HECTD4: variants seen among roughly 807,000 people sequenced by gnomAD.
The protein encoded by HECTD4 is probable E3 ubiquitin-protein ligase HECTD4.
In HECTD4, 114 loss-of-function variants were observed where a neutral mutation model predicts 471.5. The observed-to-expected ratio is 0.24, with a 90% CI of 0.21 to 0.28. The LOEUF (loss-of-function observed/expected upper bound fraction) is 0.28, where lower values mean the gene tolerates loss of function less well. Among genes scored for constraint, HECTD4 ranks in the 10% least tolerant of loss-of-function variants. The probability of loss-of-function intolerance (pLI) is 1.00; values close to 1 mark genes in which losing one functional copy is unlikely to be tolerated. For missense variants in HECTD4, 3,866 were observed against 5,651.5 expected, an observed-to-expected ratio of 0.68 and a Z score of 10.13; for synonymous variants, 2,012 against 2,256.0, an observed-to-expected ratio of 0.89 and a Z score of 3.07.
chr12:112,292,135 T>C (rs938140638), intron 7 of HECTD4, among the ~76,000 whole-genome samples: 6 of 152,186 alleles, frequency 3.9e-5, no homozygotes, highest in Admixed American at 3.9e-4. Context: ...CCTGGCTACG[T>C]CTCCAACTTC....
intron 48 of HECTD4, among the ~76,000 whole-genome samples, chr12:112,215,190 C>T (rs147945123): frequency 4.6e-5 from 7 of 152,076 alleles, no homozygotes; most frequent in African/African-American, 1.4e-4. Context: ...ACAAAAAAAC[C>T]GCACTGTGCT....
In HECTD4 at chr12:112,184,548, G is replaced by C. The variant is rs199505291; in HGVS notation, c.10418C>G (p.Thr3473Arg). ...CATGGCGGGGGTCAGGCTGCTGGAC[G>C]TGCTGACCTCCATGCTGTCTGTGCC... ...FPGTDSMEVS[T>R]SSSLTPAMSI... is the part of the protein sequence containing the mutation. Residue 3473 changes from threonine to arginine, a missense_variant, in exon 61 of 76, where the codon ACG becomes AGG. Physicochemically the swap from Thr to Arg is moderately conservative, Grantham distance 71. This residue lies in a region of HECTD4 where 192 missense variants were observed against 189.9 expected (regional missense o/e 1.01). Coordinates refer to ENST00000682272, the MANE Select transcript of HECTD4 (RefSeq NM_001388303.1). This position sits in a 1 kb window ranked among gnomAD's most constrained non-coding sequence, Gnocchi z 9.1. The C allele has an allele frequency of 1.9e-6, 3 of 1,612,578 alleles. No homozygotes were observed. In the South Asian group the frequency reaches 3.3e-5, roughly 18 times the overall value.
At chr12:112,250,528 T>C (rs1216253779) in intron 24 of HECTD4, among the ~76,000 whole-genome samples, 151 bp from the exon 25 acceptor site, 2 of 152,232 alleles carry the variant, frequency 1.3e-5, no homozygotes, top group Non-Finnish European at 2.9e-5. Flanking sequence ...TAAAGACAAG[T>C]GAGCATTGTA....
At chr12:112,227,972 G>A (rs759930764) in intron 43 of HECTD4, 117 bp downstream of exon 43, 90 of 880,704 alleles carry the variant, frequency 1.0e-4, no homozygotes, top group Admixed American at 2.4e-4. Flanking sequence ...GCTCAGTTTA[G>A]TGTGAGCTTC....
At chr12:112,300,674 T>G (rs561650631) in intron 7 of HECTD4, among the ~76,000 whole-genome samples, 157 of 152,294 alleles carry the variant, frequency 1.0e-3, no homozygotes, top group African/African-American at 3.7e-3. Flanking sequence ...CACAGCTCAC[T>G]GCAGTCTTGA....
At chr12:112,176,409 G>A (rs987498406) in intron 65 of HECTD4, among the ~76,000 whole-genome samples, 187 bp downstream of exon 65, 4 of 152,182 alleles carry the variant, frequency 2.6e-5, no homozygotes, top group Non-Finnish European at 5.9e-5. Context: ...CCCTGGCCAG[G>A]AATATTTCCC....
intron 25 of HECTD4, 147 bp downstream of exon 25, chr12:112,249,997 C>A (rs924080156): frequency 1.5e-6 from 1 of 665,610 alleles, no homozygotes; most frequent in African/African-American, 1.8e-5. Flanking sequence ...GCCTGGTGGG[C>A]CCTCTAGACT....
intron 7 of HECTD4, among the ~76,000 whole-genome samples, chr12:112,293,136 C>T (rs868837960): frequency 5.3e-5 from 8 of 151,838 alleles, no homozygotes; most frequent in Non-Finnish European, 8.8e-5. Context: ...GAGGCCGAGG[C>T]GGGTGGATCA....
At chr12:112,217,369 TAGAG>T (rs2032952965) in intron 45 of HECTD4, among the ~76,000 whole-genome samples, 174 bp from the exon 46 acceptor site, 1 of 151,446 alleles carries the variant, frequency 6.6e-6, no homozygotes, top group African/African-American at 2.4e-5. Flanking sequence ...TTTATTTATT[TAGAG>T]ACAGAGTCTC....
rs984286701 is a variant in HECTD4 at position 112,192,847 on chromosome 12, G to T, written c.9087-82C>A. 9 of 1,286,252 alleles carry T rather than the reference G, an allele frequency of 7.0e-6. No individual in the cohort carries two copies. In the African/African-American group the frequency reaches 1.2e-4, roughly 17 times the overall value. 79.7% of individuals were successfully genotyped at this position (1,286,252 alleles called of 1,614,324 possible). ...AGGCAGCTTTGCCTTCTCACCAGGG[G>T]ACGTTAGATGAGAACTGGGCCCAAG... On this transcript the variant is annotated intron_variant, in intron 58 of 75. Coordinates refer to ENST00000682272, the MANE Select transcript of HECTD4 (RefSeq NM_001388303.1).
At chr12:112,256,691 G>GT (rs1188087322) in intron 20 of HECTD4, 173 bp from the exon 21 acceptor site, 3 of 404,900 alleles carry the variant, frequency 7.4e-6, no homozygotes, top group Non-Finnish European at 1.3e-5. Context: ...ACATTTAAGG[G>GT]TTTTTTCTTT....
chr12:112,185,550 G>A, intron 60 of HECTD4, 57 bp from the exon 61 acceptor site: 1 of 1,351,880 alleles, frequency 7.4e-7, no homozygotes, highest in Non-Finnish European at 1.0e-6. Context: ...TATGTTCCAG[G>A]CGCAGTTCTG....
chr12:112,256,625 C>T, intron 20 of HECTD4, 107 bp from the exon 21 acceptor site: 1 of 622,738 alleles, frequency 1.6e-6, no homozygotes, highest in Non-Finnish European at 2.4e-6. Flanking sequence ...TATGATAACA[C>T]TGAGGCTTTT....
intron 66 of HECTD4, 101 bp downstream of exon 66, chr12:112,175,635 T>C: frequency 7.4e-7 from 1 of 1,353,788 alleles, no homozygotes; most frequent in South Asian, 1.3e-5. Flanking sequence ...TCAGAAAGCA[T>C]TATCAACAGG....
At chr12:112,244,669 C>G (rs981756595) in intron 29 of HECTD4, among the ~76,000 whole-genome samples, 5 of 152,186 alleles carry the variant, frequency 3.3e-5, no homozygotes, top group Admixed American at 3.3e-4. Flanking sequence ...CCACACCTGG[C>G]CCAAATTTCT....
At chr12:112,227,835 T>C (rs551343279) in intron 43 of HECTD4, among the ~76,000 whole-genome samples, 15 of 152,292 alleles carry the variant, frequency 9.8e-5, no homozygotes, top group African/African-American at 3.6e-4. Flanking sequence ...ATGTGTTTCA[T>C]ACATCACATT....
rs902451170 is a variant in HECTD4, at chr12:112,324,068, T to C, written c.178-4326A>G. On this transcript the variant is annotated intron_variant, in intron 1 of 75. Transcript: ENST00000682272. ...TTCCTTTCTTTCTTTCTTTCTTTCT[T>C]TCTTTCTTTCTTTCTTTCTTTCTTT... 2.0e-4 allele frequency among the ~76,000 whole-genome samples: 17 copies of C among 86,506 alleles called. 3 individuals are homozygous for C. The highest frequency in any genetic ancestry group is 1.4e-3 in the East Asian group (2 of 1,450). 56.8% of individuals were successfully genotyped at this position (86,506 alleles called of 152,430 possible). A position where few individuals can be genotyped will look rare whatever the true frequency, so the allele number is the denominator to read the frequency against.
rs757176667 is a variant in HECTD4 at position 112,246,930 on chromosome 12, C to G, written c.4484G>C (p.Ser1495Thr). Residue 1495 changes from serine to threonine, a missense_variant, in exon 29 of 76, where the codon AGC (serine) becomes ACC (threonine). Physicochemically the swap from Ser to Thr is moderately conservative, Grantham distance 58 (BLOSUM62 1). Around this residue, in one of 16 missense-constraint regions of HECTD4, gnomAD observed 49 missense variants for 43.6 expected, o/e 1.12. Transcript: ENST00000682272. Reference protein sequence around the residue: ...TIAAQSGLTRSISGTPAETPA... With the variant: ...TIAAQSGLTRTISGTPAETPA... ...TGTTTCAGCAGGGGTCCCAGAGATG[C>G]TTCTCGTGAGGCCCGACTGGGCTGC... is the stretch of plus-strand genomic sequence containing the variant. 1.8e-5 allele frequency: 29 copies of G among 1,612,014 alleles called. No individual in the cohort carries two copies. The South Asian group carries it at 3.1e-4, about 17-fold the overall frequency.
intron 1 of HECTD4, among the ~76,000 whole-genome samples, chr12:112,342,794 C>A (rs2036076250): frequency 6.6e-6 from 1 of 152,206 alleles, no homozygotes; most frequent in African/African-American, 2.4e-5. Context: ...TACCTATCTT[C>A]TGTGATGTCA....
Sources: gnomAD v4.1 joint callset for allele counts (sites outside exome capture counted in the v4.1 genomes callset) on GRCh38, gnomAD v4.1.1 for gene constraint, gnomAD v4.1.1 regional missense constraint, Gnocchi (gnomAD v3.1) non-coding constraint, MANE v1.5 for transcripts, NCBI Gene and HGNC (gene_info 2026-07-23, HGNC 2026-07-21) for gene names.